The following ICA1 variants were observed in gnomAD, a reference collection of about 807,000 sequenced individuals.
ICA1 encodes the protein islet cell autoantigen 1, also known as 69 kDa islet cell autoantigen.
In ICA1, 40 loss-of-function variants were observed where a neutral mutation model predicts 71.0. That is an observed-to-expected ratio of 0.56 (90% CI 0.44 to 0.73). The LOEUF is 0.73. Ranked by LOEUF, ICA1 falls within the 30% of genes least tolerant of loss-of-function variation. ICA1 has a pLI of 0.00. For missense variants in ICA1, 578 were observed against 576.5 expected (o/e 1.00, Z -0.03); for synonymous variants, 207 against 209.5 (o/e 0.99, Z 0.10).
intron 6 of ICA1, among the ~76,000 whole-genome samples, chr7:8,164,923 C>G (rs74331747): frequency 1.3e-5 from 2 of 152,132 alleles, no homozygotes; most frequent in East Asian, 3.9e-4. Context: ...ACAAAAGATA[C>G]AAAAATTTGC....
intron 6 of ICA1, among the ~76,000 whole-genome samples, chr7:8,204,575 G>C (rs539815518): frequency 5.3e-4 from 80 of 152,242 alleles, no homozygotes; most frequent in African/African-American, 1.8e-3. Flanking sequence ...GAAAACTCTA[G>C]GCTGGGAAAA....
At chr7:8,260,653 G>C (rs1811961068) in intron 1 of ICA1, among the ~76,000 whole-genome samples, 1 of 152,174 alleles carries the variant, frequency 6.6e-6, no homozygotes, top group East Asian at 1.9e-4. Flanking sequence ...AAACCAAAGA[G>C]TGATATTTGA....
rs1041809569 is a variant in ICA1, at chr7:8,123,433, C to T, written c.1330+4440G>A. On this transcript the variant is annotated intron_variant, in intron 13 of 13. Transcript: ENST00000402384. This position sits in a 1 kb window ranked among gnomAD's most constrained non-coding sequence, Gnocchi z 4.1. ...TGAGAGGGGGTGAGGGAGCTGGGGA[C>T]GCGGCCCAGAGCTTGCACTTCAGTC... Among the ~76,000 whole-genome samples the T allele has an allele frequency of 8.6e-5, 13 of 152,008 alleles. No homozygotes were observed. Among genetic ancestry groups the T allele is most frequent in the East Asian group, 1.9e-4 (1 of 5,178 alleles).
rs1002778334 is a variant in ICA1, at chr7:8,226,673, C to G, written c.256+1928G>C. Among the ~76,000 whole-genome samples, 1 of 152,216 alleles carries G rather than the reference C, an allele frequency of 6.6e-6. No individual in the cohort carries two copies. The highest frequency in any genetic ancestry group is 2.1e-4 in the South Asian group (1 of 4,834). On this transcript the variant is annotated intron_variant, in intron 4 of 13. Coordinates refer to ENST00000402384, the MANE Select transcript of ICA1 (RefSeq NM_001136020.3). This position sits in a 1 kb window ranked among gnomAD's most constrained non-coding sequence, Gnocchi z 4.4. ...TCCACACAGGGCAGAACTCCTCCTTCCTGTCTCTGCTGAGATGGCATGGCT... is the reference window on the plus strand; with the variant it reads ...TCCACACAGGGCAGAACTCCTCCTTGCTGTCTCTGCTGAGATGGCATGGCT...
intron 6 of ICA1, among the ~76,000 whole-genome samples, chr7:8,190,479 G>A (rs1212211568): frequency 1.3e-5 from 2 of 152,164 alleles, no homozygotes; most frequent in African/African-American, 4.8e-5. Flanking sequence ...ATTATAATAA[G>A]GTAATACAGT....
At position 8,130,857 on chromosome 7, in the gene ICA1, A is replaced by ATT. The variant is rs1339971913; in HGVS notation, c.1061-2716_1061-2715insAA. Among the ~76,000 whole-genome samples, 2 of 152,220 alleles carry ATT rather than the reference A, an allele frequency of 1.3e-5. No individual in the cohort carries two copies. Among genetic ancestry groups the ATT allele is most frequent in the Non-Finnish European group, 2.9e-5 (2 of 68,032 alleles). On this transcript the variant is annotated intron_variant, in intron 12 of 13. Coordinates refer to ENST00000402384, the MANE Select transcript of ICA1 (RefSeq NM_001136020.3). The surrounding 1 kb of genome is among the most constrained non-coding windows in gnomAD (Gnocchi z 4.2). ...GTTTAGGTTTTGTGCTATGGTGTTT[A>ATT]TAATGGACTTTGGTGGTTTTTGCTA...
chr7:8,225,543 G>A (rs1294368370), intron 4 of ICA1, among the ~76,000 whole-genome samples: 2 of 152,130 alleles, frequency 1.3e-5, no homozygotes, highest in Admixed American at 6.5e-5. Flanking sequence ...ACTGGGAAAA[G>A]GTATTTAGAA....
intron 6 of ICA1, among the ~76,000 whole-genome samples, chr7:8,211,057 A>T (rs1793618940): frequency 2.0e-5 from 3 of 152,194 alleles, no homozygotes; most frequent in Admixed American, 2.0e-4. Context: ...GGCCTGTCAT[A>T]CCTGGAGACT....
intron 13 of ICA1, among the ~76,000 whole-genome samples, chr7:8,119,156 C>T (rs977184630): frequency 2.0e-5 from 3 of 152,164 alleles, no homozygotes; most frequent in Admixed American, 6.5e-5. Context: ...CAGCTGACTC[C>T]AAATCTTGCA....
chr7:8,127,715 A>T (rs1303838563), intron 13 of ICA1, among the ~76,000 whole-genome samples, 158 bp downstream of exon 13: 1 of 152,250 alleles, frequency 6.6e-6, no homozygotes, highest in Non-Finnish European at 1.5e-5. Context: ...TAAACCCTGA[A>T]ACATAAAGTT....
chr7:8,242,373 C>G (rs1449001604), intron 1 of ICA1, among the ~76,000 whole-genome samples: 2 of 152,098 alleles, frequency 1.3e-5, no homozygotes, highest in East Asian at 3.8e-4. Flanking sequence ...CCAAAGAGAA[C>G]AAAGACACAA....
chr7:8,122,997 C>T (rs1303786185), intron 13 of ICA1, among the ~76,000 whole-genome samples: 3 of 152,192 alleles, frequency 2.0e-5, no homozygotes, highest in South Asian at 4.1e-4. Flanking sequence ...TTGCCTGTCT[C>T]CAGCTCAGGT....
intron 6 of ICA1, among the ~76,000 whole-genome samples, chr7:8,159,710 CAAAT>C (rs1803018137): frequency 6.6e-6 from 1 of 152,006 alleles, no homozygotes. Flanking sequence ...AAAAAACAAA[CAAAT>C]AAACATCCAA....
intron 13 of ICA1, among the ~76,000 whole-genome samples, chr7:8,125,425 TC>T (rs1426612762): frequency 6.6e-6 from 1 of 152,084 alleles, no homozygotes; most frequent in East Asian, 1.9e-4. Flanking sequence ...TGCCCAGAGC[TC>T]CACATGGTTC....
chr7:8,233,130 ACTCT>A (rs138947561), intron 2 of ICA1, among the ~76,000 whole-genome samples: 4,975 of 152,092 alleles, frequency 0.033, 282 homozygotes, highest in African/African-American at 0.11. Context: ...ACACCAACAC[ACTCT>A]CTCCACTCTA....
intron 6 of ICA1, among the ~76,000 whole-genome samples, chr7:8,211,837 C>T (rs150795948): frequency 1.3e-5 from 2 of 152,212 alleles, no homozygotes; most frequent in Non-Finnish European, 2.9e-5. Flanking sequence ...GAGCCATTAG[C>T]CTCTGTTGTA....
chr7:8,140,075 G>A (rs888147887), intron 10 of ICA1, among the ~76,000 whole-genome samples: 2 of 152,112 alleles, frequency 1.3e-5, no homozygotes, highest in Non-Finnish European at 2.9e-5. Flanking sequence ...CCCCTGCATT[G>A]TCACATATTG....
intron 8 of ICA1, among the ~76,000 whole-genome samples, chr7:8,154,156 A>G (rs977168512): frequency 1.3e-5 from 2 of 152,204 alleles, no homozygotes; most frequent in African/African-American, 4.8e-5. Context: ...GTTGTCACAT[A>G]AAACATTACA....
intron 6 of ICA1, among the ~76,000 whole-genome samples, chr7:8,195,168 T>A (rs1787016916): frequency 6.6e-6 from 1 of 152,064 alleles, no homozygotes; most frequent in Non-Finnish European, 1.5e-5. Context: ...AAAACAACAA[T>A]GAGATAATAC....
Sources: gnomAD v4.1 joint callset for allele counts (sites outside exome capture counted in the v4.1 genomes callset) on GRCh38, gnomAD v4.1.1 for gene constraint, Gnocchi (gnomAD v3.1) non-coding constraint, MANE v1.5 for transcripts, NCBI Gene and HGNC (gene_info 2026-07-23, HGNC 2026-07-21) for gene names.